SNTG1: variants seen among roughly 807,000 people sequenced by gnomAD.
SNTG1 encodes the protein syntrophin gamma 1.
A neutral mutation model predicts 74.7 loss-of-function variants in SNTG1; 39 were observed. The ratio of observed to expected loss-of-function variants is 0.52; its 90% confidence interval spans 0.40 to 0.68. The LOEUF is 0.68. Ranked by LOEUF, SNTG1 falls within the 30% of genes least tolerant of loss-of-function variation. SNTG1 has a pLI of 0.00. For missense variants in SNTG1, 685 were observed against 609.5 expected, an observed-to-expected ratio of 1.12 and a Z score of -1.30; for synonymous variants, 254 against 217.1, an observed-to-expected ratio of 1.17 and a Z score of -1.49.
intron 1 of SNTG1, among the ~76,000 whole-genome samples, chr8:50,035,194 T>C (rs1195997910): frequency 6.6e-6 from 1 of 152,208 alleles, no homozygotes; most frequent in Admixed American, 6.5e-5. Context: ...CTGAGCTTTT[T>C]GCAGTGTTTC....
At chr8:50,295,042 C>T (rs933742366) in intron 2 of SNTG1, among the ~76,000 whole-genome samples, 4 of 152,128 alleles carry the variant, frequency 2.6e-5, no homozygotes, top group Non-Finnish European at 4.4e-5. Context: ...AGACAAACCA[C>T]TTTGTACATA....
intron 15 of SNTG1, among the ~76,000 whole-genome samples, chr8:50,694,587 G>A (rs764020425): frequency 1.3e-5 from 2 of 151,864 alleles, no homozygotes; most frequent in Non-Finnish European, 2.9e-5. Flanking sequence ...CTTTTTATGA[G>A]GATAACATTA....
intron 2 of SNTG1, among the ~76,000 whole-genome samples, chr8:50,184,669 C>T (rs746459745): frequency 1.1e-4 from 17 of 152,188 alleles, no homozygotes; most frequent in African/African-American, 1.9e-4. Flanking sequence ...TCTTATCAAA[C>T]GAGCCAAGGG....
chr8:50,687,367 A>G (rs1162293031), intron 15 of SNTG1, among the ~76,000 whole-genome samples: 1 of 152,230 alleles, frequency 6.6e-6, no homozygotes, highest in Non-Finnish European at 1.5e-5. Context: ...GAATGGATAA[A>G]AACAAAACCT....
At chr8:50,456,777 G>A (rs2093510142) in intron 8 of SNTG1, among the ~76,000 whole-genome samples, 1 of 151,950 alleles carries the variant, frequency 6.6e-6, no homozygotes, top group African/African-American at 2.4e-5. Context: ...TACTTAGGAG[G>A]GCCCCAGCCG....
chr8:50,719,319 T>C (rs2095482163), intron 17 of SNTG1, among the ~76,000 whole-genome samples: 1 of 152,044 alleles, frequency 6.6e-6, no homozygotes, highest in Non-Finnish European at 1.5e-5. Context: ...TAAAAGAAGT[T>C]GAAGTGGTGC....
intron 1 of SNTG1, among the ~76,000 whole-genome samples, chr8:49,958,491 G>A (rs1368220153): frequency 1.3e-5 from 2 of 150,200 alleles, no homozygotes; most frequent in African/African-American, 2.5e-5. Flanking sequence ...GTGTGATCTC[G>A]GCTCACTGCA....
chr8:50,419,044 AG>A (rs1396899815), intron 4 of SNTG1, among the ~76,000 whole-genome samples: 2 of 152,182 alleles, frequency 1.3e-5, no homozygotes, highest in Non-Finnish European at 2.9e-5. Flanking sequence ...TGAAAGGAAC[AG>A]GGAGAAAGAC....
At chr8:50,601,091 G>A (rs1180447725) in intron 13 of SNTG1, among the ~76,000 whole-genome samples, 2 of 142,072 alleles carry the variant, frequency 1.4e-5, no homozygotes, top group East Asian at 4.3e-4. Context: ...CTGGGAGGTG[G>A]AGGTTTCAGT....
intron 2 of SNTG1, among the ~76,000 whole-genome samples, chr8:50,299,028 G>C (rs2089521518): frequency 2.6e-5 from 4 of 152,126 alleles, no homozygotes; most frequent in Admixed American, 2.6e-4. Flanking sequence ...TATTGAACTT[G>C]AACACTCAAA....
chr8:50,475,244 A>G (rs182530103), intron 8 of SNTG1, among the ~76,000 whole-genome samples: 53 of 151,734 alleles, frequency 3.5e-4, no homozygotes, highest in Admixed American at 3.4e-3. Context: ...AATAATAATA[A>G]TAAAAAAGAG....
chr8:50,557,046 G>A (rs565074767), intron 12 of SNTG1, among the ~76,000 whole-genome samples: 2 of 152,164 alleles, frequency 1.3e-5, no homozygotes, highest in African/African-American at 4.8e-5. Context: ...GGCACAGGCT[G>A]TACAGACAAG....
At chr8:50,762,464 G>C in intron 18 of SNTG1, 2 of 324,796 alleles carry the variant, frequency 6.2e-6, no homozygotes, top group Non-Finnish European at 1.2e-5. Flanking sequence ...ATTCTGTTTT[G>C]TAATAAATAA....
At position 50,295,228 on chromosome 8, in the gene SNTG1, A is replaced by G. The variant is rs188553424; in HGVS notation, c.-27-98984A>G. Reference sequence around the variant, plus strand: ...GAAATAATAATCATGTTTTCTAATAATGATAATCCAGGTCACTGTAAACAG... The same window carrying G: ...GAAATAATAATCATGTTTTCTAATAGTGATAATCCAGGTCACTGTAAACAG... On this transcript the variant is annotated intron_variant, in intron 2 of 18. Transcript: ENST00000642720. 2.9e-3 allele frequency among the ~76,000 whole-genome samples: 445 copies of G among 152,312 alleles called. 1 individual carries two copies. Among genetic ancestry groups the G allele is most frequent in the African/African-American group, 0.01 (422 of 41,582 alleles).
chr8:49,992,521 T>TA (rs1210135647), intron 1 of SNTG1, among the ~76,000 whole-genome samples: 2 of 152,214 alleles, frequency 1.3e-5, no homozygotes, highest in African/African-American at 4.8e-5. Context: ...CATAGTTAAC[T>TA]AAACCTTGGT....
rs571407519 is a variant in SNTG1 at position 50,033,226 on chromosome 8, C to A, written c.-103+120995C>A. Among the ~76,000 whole-genome samples, 14 of 151,804 alleles carry A rather than the reference C, an allele frequency of 9.2e-5. No individual in the cohort carries two copies. In the East Asian group the frequency reaches 2.7e-3, roughly 30 times the overall value. On this transcript the variant is annotated intron_variant, in intron 1 of 18. Coordinates refer to ENST00000642720, the MANE Select transcript of SNTG1 (RefSeq NM_018967.5). The stretch of plus-strand genomic sequence containing the variant: ...ACAACCTCTGCCTCCTGAGTTCAAG[C>A]GATTCTCCTGCCTCAGCCTCCTGAG...
chr8:50,432,930 A>G (rs1300585608), intron 4 of SNTG1, among the ~76,000 whole-genome samples: 1 of 152,008 alleles, frequency 6.6e-6, no homozygotes, highest in Non-Finnish European at 1.5e-5. Context: ...AGCTGGGATT[A>G]CAGCGCACAT....
intron 2 of SNTG1, among the ~76,000 whole-genome samples, chr8:50,249,626 T>C (rs1457207379): frequency 2.0e-5 from 3 of 152,194 alleles, no homozygotes; most frequent in South Asian, 2.1e-4. Flanking sequence ...GTCCTACCAA[T>C]GACTAGTCCA....
At chr8:50,104,592 C>T (rs886384609) in intron 1 of SNTG1, among the ~76,000 whole-genome samples, 13 of 151,668 alleles carry the variant, frequency 8.6e-5, no homozygotes, top group East Asian at 1.9e-4. Context: ...AGTTATTTTT[C>T]GCCGTCTGCT....
Sources: gnomAD v4.1 joint callset for allele counts (sites outside exome capture counted in the v4.1 genomes callset) on GRCh38, gnomAD v4.1.1 for gene constraint, MANE v1.5 for transcripts, NCBI Gene and HGNC (gene_info 2026-07-23, HGNC 2026-07-21) for gene names.